GPR141: variants seen among roughly 807,000 people sequenced by gnomAD.
GPR141 encodes G protein-coupled receptor 141.
Under a neutral mutation model 6.8 loss-of-function variants are expected in GPR141, and 6 were observed. That is an observed-to-expected ratio of 0.88 (90% CI 0.48 to 1.74). The LOEUF (loss-of-function observed/expected upper bound fraction) is 1.74, where lower values mean the gene tolerates loss of function less well. GPR141 is among the 40% of genes most tolerant of loss of function. GPR141 has a pLI of 0.01. For missense variants in GPR141, 372 were observed against 372.9 expected (o/e 1.00, Z 0.02); for synonymous variants, 140 against 142.3 (o/e 0.98, Z 0.11).
intron 2 of GPR141, among the ~76,000 whole-genome samples, chr7:37,703,298 G>A (rs1810373998): frequency 6.6e-6 from 1 of 151,924 alleles, no homozygotes; most frequent in Admixed American, 6.6e-5. Flanking sequence ...TTTAATATCA[G>A]CTTCTTTTTC....
chr7:37,705,856 A>T (rs1259713944), intron 2 of GPR141, among the ~76,000 whole-genome samples: 1 of 152,196 alleles, frequency 6.6e-6, no homozygotes, highest in Non-Finnish European at 1.5e-5. Context: ...ATCAATCCGG[A>T]TGCCATGAGA....
intron 2 of GPR141, among the ~76,000 whole-genome samples, chr7:37,730,233 A>G (rs1311573082): frequency 6.6e-6 from 1 of 151,978 alleles, no homozygotes; most frequent in African/African-American, 2.4e-5. Context: ...TCACTGAATC[A>G]TTGCAGAAGT....
At chr7:37,715,697 C>T (rs940557311) in intron 2 of GPR141, among the ~76,000 whole-genome samples, 1 of 152,060 alleles carries the variant, frequency 6.6e-6, no homozygotes, top group Non-Finnish European at 1.5e-5. Flanking sequence ...TGTTTGTTTC[C>T]TTTCATATTA....
intron 2 of GPR141, among the ~76,000 whole-genome samples, chr7:37,696,432 A>G (rs1015644481): frequency 6.6e-6 from 1 of 152,166 alleles, no homozygotes; most frequent in Admixed American, 6.5e-5. Flanking sequence ...TGTGTTTTTC[A>G]TGCATTACCG....
chr7:37,703,620 G>C (rs1197617033), intron 2 of GPR141, among the ~76,000 whole-genome samples: 5 of 152,134 alleles, frequency 3.3e-5, no homozygotes, highest in African/African-American at 1.2e-4. Context: ...CTCTTAGTTG[G>C]TATATAAATT....
At chr7:37,686,598 C>A (rs998373174) in intron 2 of GPR141, among the ~76,000 whole-genome samples, 1 of 151,482 alleles carries the variant, frequency 6.6e-6, no homozygotes, top group Non-Finnish European at 1.5e-5. Context: ...AAGTACCCAG[C>A]ATCTTTGGAA....
In GPR141 at chr7:37,741,008, G is replaced by A; in HGVS notation, c.615G>A (p.Met205Ile). 1 of 1,614,014 alleles carries A rather than the reference G, an allele frequency of 6.2e-7. No individual in the cohort carries two copies. Among genetic ancestry groups the A allele is most frequent in the Non-Finnish European group, 8.5e-7 (1 of 1,179,910 alleles). Residue 205 changes from methionine (M) to isoleucine (I), a missense_variant, in exon 3 of 3, where the codon ATG (methionine) becomes ATA (isoleucine). By Grantham distance (10) the Met-to-Ile change is conservative (BLOSUM62 1). Coordinates refer to ENST00000334425, the MANE Select transcript of GPR141 (RefSeq NM_001381946.1). Reference protein sequence around the residue: ...ILLVFQVFIIMLMVQKLRHSL... With the variant: ...ILLVFQVFIIILMVQKLRHSL... ...TGGTCTTCCAGGTCTTCATCATTAT[G>A]TTGATGGTGCAGAAGCTACGCCACT...
chr7:37,742,316 G>C lies in GPR141; in HGVS notation c.*1005G>C. ...CAGAATGTGCAGGTTTGTTACATAG[G>C]TATACACGTGCCATGGTGGTTTGCG... is the stretch of plus-strand genomic sequence containing the variant. On this transcript the variant is annotated 3_prime_UTR_variant, in exon 3 of 3. Transcript: ENST00000334425. Among the ~76,000 whole-genome samples, 1 of 151,856 alleles carries C rather than the reference G, an allele frequency of 6.6e-6. No homozygotes were observed. The highest frequency in any genetic ancestry group is 1.5e-5 in the Non-Finnish European group (1 of 67,982).
chr7:37,727,095 GA>G (rs1422670954), intron 2 of GPR141, among the ~76,000 whole-genome samples: 1 of 152,172 alleles, frequency 6.6e-6, no homozygotes, highest in Non-Finnish European at 1.5e-5. Context: ...ATTATACATC[GA>G]AGTGGATATG....
At chr7:37,708,310 C>CAGAAAA (rs1810622287) in intron 2 of GPR141, among the ~76,000 whole-genome samples, 1 of 59,776 alleles carries the variant, frequency 1.7e-5, no homozygotes, top group African/African-American at 7.1e-5. Context: ...AAATTGCTGG[C>CAGAAAA]AAAAAAAAAA....
At chr7:37,686,597 G>C (rs781601274) in intron 2 of GPR141, among the ~76,000 whole-genome samples, 3 of 152,074 alleles carry the variant, frequency 2.0e-5, no homozygotes, top group Non-Finnish European at 4.4e-5. Context: ...TAAGTACCCA[G>C]CATCTTTGGA....
chr7:37,735,365 C>T (rs1812180240), intron 2 of GPR141, among the ~76,000 whole-genome samples: 1 of 152,156 alleles, frequency 6.6e-6, no homozygotes, highest in South Asian at 2.1e-4. Flanking sequence ...GGATGGGAGA[C>T]TAATATCCTA....
chr7:37,704,858 T>G (rs2131768790), intron 2 of GPR141, among the ~76,000 whole-genome samples: 1 of 152,284 alleles, frequency 6.6e-6, no homozygotes, highest in Admixed American at 6.5e-5. Context: ...ACTTTCTACT[T>G]ATTTTTAACT....
chr7:37,703,686 G>A (rs1331664742), intron 2 of GPR141, among the ~76,000 whole-genome samples: 1 of 152,092 alleles, frequency 6.6e-6, no homozygotes, highest in African/African-American at 2.4e-5. Context: ...AAAATGGAGG[G>A]AGCAATAGTA....
chr7:37,720,391 G>C (rs760556940), intron 2 of GPR141, among the ~76,000 whole-genome samples: 3 of 152,190 alleles, frequency 2.0e-5, no homozygotes. Context: ...AATAATCTCT[G>C]AGTGTAGTTT....
chr7:37,691,871 T>C (rs1396579107), intron 2 of GPR141, among the ~76,000 whole-genome samples: 2 of 152,232 alleles, frequency 1.3e-5, no homozygotes, highest in African/African-American at 4.8e-5. Flanking sequence ...AGATTTCTCT[T>C]AAGAAATGTG....
intron 2 of GPR141, among the ~76,000 whole-genome samples, chr7:37,730,580 C>T (rs1317774349): frequency 1.3e-5 from 2 of 152,198 alleles, no homozygotes; most frequent in East Asian, 3.8e-4. Context: ...CTGTATATAA[C>T]ACGCGTCAAA....
At chr7:37,708,310 CAAAAA>C (rs66783277) in intron 2 of GPR141, among the ~76,000 whole-genome samples, 14 of 59,776 alleles carry the variant, frequency 2.3e-4, no homozygotes, top group Admixed American at 6.0e-4. Context: ...AAATTGCTGG[CAAAAA>C]AAAAAAAAAA....
Position 37,738,458 on chromosome 7 carries a change from A to G in GPR141, c.-14-1922A>G, listed in dbSNP as rs182709210. ...TATAATTTCATGTCTCCTTGATAAAACTACTTTTCTACAAGGAAAAATAAA... is the reference window on the plus strand; with the variant it reads ...TATAATTTCATGTCTCCTTGATAAAGCTACTTTTCTACAAGGAAAAATAAA... On this transcript the variant is annotated intron_variant, in intron 2 of 2. Transcript: ENST00000334425. Among the ~76,000 whole-genome samples the G allele has an allele frequency of 3.0e-4, 45 of 152,244 alleles. No individual in the cohort carries two copies. In the East Asian group the frequency reaches 8.7e-3, roughly 29 times the overall value.
Sources: allele counts gnomAD v4.1 joint callset (sites outside exome capture counted in the v4.1 genomes callset), GRCh38; gene constraint gnomAD v4.1.1; transcripts MANE v1.5; gene names NCBI Gene and HGNC (gene_info 2026-07-23, HGNC 2026-07-21).